CACNG5: variants seen among roughly 807,000 people sequenced by gnomAD.
CACNG5 encodes voltage-dependent calcium channel gamma-5 subunit.
A neutral mutation model predicts 24.8 loss-of-function variants in CACNG5; 18 were observed. That is an observed-to-expected ratio of 0.73 (90% CI 0.50 to 1.08). The LOEUF (loss-of-function observed/expected upper bound fraction) is 1.08, where lower values mean the gene tolerates loss of function less well. CACNG5 is among the 50% of genes least tolerant of loss of function. The pLI, the probability that CACNG5 is intolerant of heterozygous loss-of-function variation, is 0.00. For missense variants in CACNG5, 349 were observed against 367.9 expected (o/e 0.95, Z 0.42); for synonymous variants, 157 against 149.1 (o/e 1.05, Z -0.39).
chr17:66,838,851 G>T (rs1976520803), intron 1 of CACNG5, among the ~76,000 whole-genome samples: 1 of 151,446 alleles, frequency 6.6e-6, no homozygotes, highest in African/African-American at 2.4e-5. Flanking sequence ...GGGCTGCCTT[G>T]TTCTTCTGTT....
intron 1 of CACNG5, among the ~76,000 whole-genome samples, chr17:66,849,017 C>T (rs965214013): frequency 6.6e-6 from 1 of 152,126 alleles, no homozygotes; most frequent in Non-Finnish European, 1.5e-5. Flanking sequence ...TGATTGAGTG[C>T]TTGTTGTCAG....
chr17:66,846,938 C>G (rs1359968234), intron 1 of CACNG5, among the ~76,000 whole-genome samples: 1 of 152,248 alleles, frequency 6.6e-6, no homozygotes, highest in Non-Finnish European at 1.5e-5. Context: ...TTACAATTTT[C>G]CTGAAAACCT....
rs939012596 is a variant in CACNG5, at chr17:66,887,628, T to G, written c.*2388T>G. Among the ~76,000 whole-genome samples the G allele has an allele frequency of 6.6e-6, 1 of 152,128 alleles. No homozygotes were observed. Among genetic ancestry groups the G allele is most frequent in the East Asian group, 1.9e-4 (1 of 5,192 alleles). On this transcript the variant is annotated 3_prime_UTR_variant, in exon 6 of 6. Coordinates refer to ENST00000533854, the MANE Select transcript of CACNG5 (RefSeq NM_145811.3). ...GCTCCTAATTGCACTTTTCTCTCTC[T>G]AGAACACTCTTTCTCTGTCACTGTG... is the stretch of plus-strand genomic sequence containing the variant.
In CACNG5 at chr17:66,886,699, C is replaced by T. The variant is rs1401214752; in HGVS notation, c.*1459C>T. Among the ~76,000 whole-genome samples the T allele has an allele frequency of 3.9e-5, 6 of 152,230 alleles. No individual in the cohort carries two copies. The highest frequency in any genetic ancestry group is 8.8e-5 in the Non-Finnish European group (6 of 68,042). On this transcript the variant is annotated 3_prime_UTR_variant, in exon 6 of 6. Coordinates refer to ENST00000533854, the MANE Select transcript of CACNG5 (RefSeq NM_145811.3). ...CCAGCACGTAGTCCAGAAAGCTGCA[C>T]GTCTGGTGTGCGCAGCCTTGGAGAG...
chr17:66,853,661 T>C (rs1976735770), intron 1 of CACNG5, among the ~76,000 whole-genome samples: 1 of 152,182 alleles, frequency 6.6e-6, no homozygotes, highest in Non-Finnish European at 1.5e-5. Context: ...GCATGGGTTG[T>C]TTAACATTAC....
At chr17:66,842,112 C>G (rs1976577866) in intron 1 of CACNG5, among the ~76,000 whole-genome samples, 1 of 152,162 alleles carries the variant, frequency 6.6e-6, no homozygotes, top group South Asian at 2.1e-4. Flanking sequence ...ATGCCCTCAC[C>G]TTTACTGCCA....
chr17:66,857,898 A>G (rs188915414), intron 1 of CACNG5, among the ~76,000 whole-genome samples: 1 of 152,328 alleles, frequency 6.6e-6, no homozygotes, highest in Non-Finnish European at 1.5e-5. Flanking sequence ...TCTCAGAAGC[A>G]ACTCAGCATT....
intron 1 of CACNG5, among the ~76,000 whole-genome samples, chr17:66,867,666 T>C (rs2143089444): frequency 6.6e-6 from 1 of 152,294 alleles, no homozygotes; most frequent in East Asian, 1.9e-4. Flanking sequence ...AAGGAAGGGG[T>C]CCAGTTTCAG....
intron 1 of CACNG5, among the ~76,000 whole-genome samples, chr17:66,836,776 T>A (rs7222866): frequency 6.6e-6 from 1 of 152,032 alleles, no homozygotes; most frequent in African/African-American, 2.4e-5. Context: ...CAACGGAAGA[T>A]AGAGGTGGCC....
At chr17:66,861,123 T>C (rs536646599) in intron 1 of CACNG5, among the ~76,000 whole-genome samples, 37 of 152,336 alleles carry the variant, frequency 2.4e-4, no homozygotes, top group African/African-American at 8.9e-4. Flanking sequence ...ATTGAATTGT[T>C]GGGCTTATCA....
chr17:66,867,553 T>C (rs1310987369), intron 1 of CACNG5, among the ~76,000 whole-genome samples: 3 of 152,366 alleles, frequency 2.0e-5, no homozygotes, highest in African/African-American at 4.8e-5. Flanking sequence ...CCCATGCCTG[T>C]GTCCTGAATG....
chr17:66,882,544 G>T (rs892251509), intron 4 of CACNG5, among the ~76,000 whole-genome samples: 5 of 152,112 alleles, frequency 3.3e-5, no homozygotes, highest in Non-Finnish European at 7.4e-5. Flanking sequence ...AGCAAATAAA[G>T]GTGGGCTCTT....
chr17:66,850,463 G>C (rs918495788), intron 1 of CACNG5, among the ~76,000 whole-genome samples: 1 of 152,166 alleles, frequency 6.6e-6, no homozygotes, highest in Non-Finnish European at 1.5e-5. Flanking sequence ...CCCAGGGAGA[G>C]GGGAGGAAAT....
intron 1 of CACNG5, among the ~76,000 whole-genome samples, chr17:66,876,979 CTGAATGAA>C (rs3834579): frequency 0.024 from 3,526 of 149,078 alleles, 44 homozygotes; most frequent in Non-Finnish European, 0.028. Context: ...CAATGGGTTG[CTGAATGAA>C]TGAATGAATG....
At chr17:66,868,425 G>T (rs1369351216) in intron 1 of CACNG5, among the ~76,000 whole-genome samples, 1 of 152,136 alleles carries the variant, frequency 6.6e-6, no homozygotes, top group Non-Finnish European at 1.5e-5. Context: ...GCATAATCCT[G>T]GGGTTTTGTT....
At chr17:66,847,958 G>C (rs74947619) in intron 1 of CACNG5, among the ~76,000 whole-genome samples, 9,955 of 152,286 alleles carry the variant, frequency 0.065, 439 homozygotes, top group Non-Finnish European at 0.097. Flanking sequence ...CCTTGGCCGG[G>C]GTAGGCTGTG....
chr17:66,839,268 C>A (rs1023970810), intron 1 of CACNG5, among the ~76,000 whole-genome samples: 1 of 145,410 alleles, frequency 6.9e-6, no homozygotes, highest in Non-Finnish European at 1.5e-5. Context: ...CCACCCCCAC[C>A]CATTCTGACA....
At chr17:66,882,937 TTCCATCCATCCA>T (rs113055446) in intron 4 of CACNG5, among the ~76,000 whole-genome samples, 5,202 of 150,608 alleles carry the variant, frequency 0.035, 295 homozygotes, top group African/African-American at 0.12. Flanking sequence ...TTCTTTCTCC[TTCCATCCATCCA>T]TCCATCCATC....
Position 66,886,232 on chromosome 17 carries a change from G to C in CACNG5, c.*992G>C, listed in dbSNP as rs1055691363. On this transcript the variant is annotated 3_prime_UTR_variant, in exon 6 of 6. Coordinates refer to ENST00000533854, the MANE Select transcript of CACNG5 (RefSeq NM_145811.3). ...TCGAAGAGGCTGCCTGGGAGTGGGA[G>C]CTGGATTTGAGGACACCTGGTGCAG... is the stretch of plus-strand genomic sequence containing the variant. Among the ~76,000 whole-genome samples, 1 of 152,204 alleles carries C rather than the reference G, an allele frequency of 6.6e-6. No homozygotes were observed. Among genetic ancestry groups the C allele is most frequent in the Non-Finnish European group, 1.5e-5 (1 of 68,034 alleles).
Sources: allele counts gnomAD v4.1 joint callset (sites outside exome capture counted in the v4.1 genomes callset), GRCh38; gene constraint gnomAD v4.1.1; transcripts MANE v1.5; gene names NCBI Gene and HGNC (gene_info 2026-07-23, HGNC 2026-07-21).